Variants in TRMU observed in about 807,000 individuals in gnomAD.
The protein encoded by TRMU is tRNA mitochondrial 2-thiouridylase, also known as mitochondrial tRNA-specific 2-thiouridylase 1.
A neutral mutation model predicts 46.9 loss-of-function variants in TRMU; 49 were observed. The observed-to-expected ratio is 1.05, with a 90% confidence interval of 0.83 to 1.33. The LOEUF (loss-of-function observed/expected upper bound fraction) is 1.33. Among genes scored for constraint, TRMU ranks in the 40% most tolerant of loss-of-function variants. The pLI, the probability that TRMU is intolerant of heterozygous loss-of-function variation, is 0.00. For synonymous variants in TRMU, 241 were observed against 200.9 expected (o/e 1.20, Z -1.69); for missense variants, 572 against 532.4 (o/e 1.07, Z -0.73).
In TRMU at chr22:46,350,536, CTGTG is replaced by C; in HGVS notation, c.651+74_651+77del. The C allele has an allele frequency of 6.4e-7, 1 of 1,570,136 alleles. No individual in the cohort carries two copies. The highest frequency in any genetic ancestry group is 8.7e-7 in the Non-Finnish European group (1 of 1,143,820). The stretch of plus-strand genomic sequence containing the variant: ...ACTGCATGGCACGGAGCAGCTGGAC[CTGTG>C]GGTCCCGCACCACTTCCCCTTCTCC... On this transcript the variant is annotated intron_variant, in intron 5 of 10. Transcript: ENST00000645190. The surrounding 1 kb of genome is among the most constrained non-coding windows in gnomAD (Gnocchi z 4.6).
chr22:46,355,435 A>G lies in TRMU; in HGVS notation c.874-9A>G, dbSNP rs755021903. 1.2e-6 allele frequency: 2 copies of G among 1,612,606 alleles called. No homozygotes were observed. The highest frequency in any genetic ancestry group is 3.3e-5 in the Admixed American group (2 of 59,996). On this transcript the variant is annotated splice_polypyrimidine_tract_variant and intron_variant, in intron 8 of 10. Transcript: ENST00000645190. Reference sequence around the variant, plus strand: ...CTCGGCGTCCCCACCTTCACATTCCATTCTGCAGGCCCCCCGGACAGACCA... The same window carrying G: ...CTCGGCGTCCCCACCTTCACATTCCGTTCTGCAGGCCCCCCGGACAGACCA...
intron 7 of TRMU, chr22:46,352,566 CCTCTG>C (rs1375310338): frequency 1.7e-6 from 1 of 603,838 alleles, no homozygotes; most frequent in East Asian, 2.8e-5. Flanking sequence ...GAAAAGCGCG[CCTCTG>C]ACTTGGAAGG....
At chr22:46,355,752 G>C in intron 9 of TRMU, 164 bp downstream of exon 9, 1 of 1,288,878 alleles carries the variant, frequency 7.8e-7, no homozygotes, top group South Asian at 1.3e-5. Flanking sequence ...TGCCTGCCCT[G>C]AGCGAGGCCT....
chr22:46,340,930 A>G (rs1008301511), intron 2 of TRMU, among the ~76,000 whole-genome samples: 8 of 152,244 alleles, frequency 5.3e-5, no homozygotes, highest in African/African-American at 1.9e-4. Flanking sequence ...GCCCTCGCCC[A>G]GTACCAGCTG....
rs1251724815 is a variant in TRMU, at chr22:46,349,096, C to G, written c.479-1195C>G. Among the ~76,000 whole-genome samples the G allele has an allele frequency of 6.6e-6, 1 of 151,850 alleles. No homozygotes were observed. Among genetic ancestry groups the G allele is most frequent in the African/African-American group, 2.4e-5 (1 of 41,322 alleles). On this transcript the variant is annotated intron_variant, in intron 4 of 10. Transcript: ENST00000645190. This position sits in a 1 kb window ranked among gnomAD's most constrained non-coding sequence, Gnocchi z 4.6. Reference sequence around the variant, plus strand: ...GGAGATTGCCGTGAGCCGAGATGTGCCACTGCACTCCAGCCTGGGCGACAG... The same window carrying G: ...GGAGATTGCCGTGAGCCGAGATGTGGCACTGCACTCCAGCCTGGGCGACAG...
rs931034039 is a variant in TRMU, at chr22:46,336,048, A to G, written c.82+202A>G. 83 of 1,406,650 alleles carry G rather than the reference A, an allele frequency of 5.9e-5. No homozygotes were observed. Among genetic ancestry groups the G allele is most frequent in the Non-Finnish European group, 7.5e-5 (81 of 1,084,266 alleles). The allele number at this position is 1,406,650 out of a possible 1,614,324, so 87.1% of individuals were successfully genotyped here. ...TGTAGTCGGAGGTGTGCGCGACTGCAGCTCCGACTACCTGGGAGCAGTTCC... is the reference window on the plus strand; with the variant it reads ...TGTAGTCGGAGGTGTGCGCGACTGCGGCTCCGACTACCTGGGAGCAGTTCC... On this transcript the variant is annotated intron_variant, in intron 1 of 10. Transcript: ENST00000645190. This position sits in a 1 kb window ranked among gnomAD's most constrained non-coding sequence, Gnocchi z 4.1.
rs758120816 is a variant in TRMU, at chr22:46,349,390, C to T, written c.479-901C>T. Among the ~76,000 whole-genome samples the T allele has an allele frequency of 2.0e-5, 3 of 151,702 alleles. No homozygotes were observed. The highest frequency in any genetic ancestry group is 1.9e-4 in the East Asian group (1 of 5,180). ...GGAGAATTCTCCCTCTCACGGCTAA[C>T]GTGGGAATCGGCAGATGGAAAACAC... is the stretch of plus-strand genomic sequence containing the variant. On this transcript the variant is annotated intron_variant, in intron 4 of 10. Coordinates refer to ENST00000645190, the MANE Select transcript of TRMU (RefSeq NM_018006.5). This position sits in a 1 kb window ranked among gnomAD's most constrained non-coding sequence, Gnocchi z 4.6.
chr22:46,355,200 C>T, intron 8 of TRMU: 1 of 613,392 alleles, frequency 1.6e-6, no homozygotes, highest in East Asian at 2.8e-5. Flanking sequence ...CTCACCCCTG[C>T]CTCTTGCCCA....
chr22:46,356,500 G>T, intron 10 of TRMU: 2 of 431,840 alleles, frequency 4.6e-6, no homozygotes, highest in South Asian at 5.4e-5. Context: ...GGTGAGGGAA[G>T]CGGAAGCATC....
intron 5 of TRMU, 114 bp from the exon 6 acceptor site, chr22:46,352,007 G>GAAGCA (rs2078442117): frequency 8.1e-7 from 1 of 1,230,706 alleles, no homozygotes; most frequent in South Asian, 1.2e-5. Flanking sequence ...CCCTACCCTG[G>GAAGCA]AAGCAAAGTG....
At position 46,353,777 on chromosome 22, in the gene TRMU, G is replaced by A. The variant is rs1569084840; in HGVS notation, c.783G>A (p.Leu261=). ...KVLGTHKGWF[L]YTLGQRANIG... is the part of the protein sequence containing the mutation. ...ACTGTCTTTCTGTAGGTTGGTTCCT[G>A]TATACCTTGGGCCAGAGAGCAAACA... Residue 261 remains leucine, a synonymous_variant, in exon 8 of 11, where the codon CTG becomes CTA. Coordinates refer to ENST00000645190, the MANE Select transcript of TRMU (RefSeq NM_018006.5). 5 of 1,613,824 alleles carry A rather than the reference G, an allele frequency of 3.1e-6. No individual in the cohort carries two copies. The highest frequency in any genetic ancestry group is 2.2e-5 in the East Asian group (1 of 44,880).
chr22:46,353,563 A>T, intron 7 of TRMU: 2 of 519,176 alleles, frequency 3.9e-6, no homozygotes, highest in Non-Finnish European at 7.3e-6. Flanking sequence ...CCCCATGTCC[A>T]GCCCAGGCCT....
At chr22:46,343,480 G>C (rs1466824140) in intron 3 of TRMU, 112 bp downstream of exon 3, 10 of 796,160 alleles carry the variant, frequency 1.3e-5, no homozygotes, top group Non-Finnish European at 2.1e-5. Flanking sequence ...CGACCTCCTG[G>C]GCTCAAGAGA....
rs764306783 is a variant in TRMU, at chr22:46,346,422, G to A, written c.356G>A (p.Gly119Glu). Residue 119 changes from glycine to glutamate, a missense_variant and splice_region_variant, in exon 4 of 11, where the codon GGG becomes GAG. Coordinates refer to ENST00000645190, the MANE Select transcript of TRMU (RefSeq NM_018006.5). Reference sequence around the variant, plus strand: ...TCCTTGTGTTCTAAAAACCTCACAGGGGCAGATGCCATTGCCACAGGTCAC... The same window carrying A: ...TCCTTGTGTTCTAAAAACCTCACAGAGGCAGATGCCATTGCCACAGGTCAC... ...CFFHYAVDNL[G>E]ADAIATGHYA... is the part of the protein sequence containing the mutation. 2 of 1,612,484 alleles carry A rather than the reference G, an allele frequency of 1.2e-6. No homozygotes were observed. The highest frequency in any genetic ancestry group is 1.7e-6 in the Non-Finnish European group (2 of 1,178,964).
rs1240255282 is a variant in TRMU at position 46,342,254 on chromosome 22, G to C, written c.249-1008G>C. Among the ~76,000 whole-genome samples, 1 of 152,192 alleles carries C rather than the reference G, an allele frequency of 6.6e-6. No homozygotes were observed. The highest frequency in any genetic ancestry group is 2.4e-5 in the African/African-American group (1 of 41,436). On this transcript the variant is annotated intron_variant, in intron 2 of 10. Transcript: ENST00000645190. This position sits in a 1 kb window ranked among gnomAD's most constrained non-coding sequence, Gnocchi z 4.7. ...CTTTGGGTTCAATTATTAATAATTT[G>C]CTGGAGTGGTTCACAGAACTCAGAA...
At position 46,352,297 on chromosome 22, in the gene TRMU, A is replaced by G. The variant is rs1162356372; in HGVS notation, c.739A>G (p.Ile247Val). ...GCCTCGACCTGGTCACTTTATTTCC[A>G]TAGAAGACAATAAGGTTCTGGGAAC... ...LQPRPGHFISIEDNKVLGTHK... is the reference protein window; with the variant it reads ...LQPRPGHFISVEDNKVLGTHK... Residue 247 changes from isoleucine (I) to valine (V), a missense_variant, in exon 7 of 11, where the codon ATA becomes GTA. By Grantham distance (29) the Ile-to-Val change is conservative. Transcript: ENST00000645190. 8 of 1,613,878 alleles carry G rather than the reference A, an allele frequency of 5.0e-6. No individual in the cohort carries two copies. Among genetic ancestry groups the G allele is most frequent in the Non-Finnish European group, 5.9e-6 (7 of 1,180,028 alleles).
chr22:46,335,963 G>C, intron 1 of TRMU, 117 bp downstream of exon 1: 1 of 1,482,824 alleles, frequency 6.7e-7, no homozygotes, highest in Non-Finnish European at 8.9e-7. Flanking sequence ...TTGCGCGCGG[G>C]TCGGCAGGAG....
In TRMU at chr22:46,343,378, T is replaced by C; in HGVS notation, c.355+10T>C. The C allele has an allele frequency of 1.2e-6, 2 of 1,607,864 alleles. No homozygotes were observed. The highest frequency in any genetic ancestry group is 1.7e-6 in the Non-Finnish European group (2 of 1,174,574). On this transcript the variant is annotated intron_variant, in intron 3 of 10. Coordinates refer to ENST00000645190, the MANE Select transcript of TRMU (RefSeq NM_018006.5). ...GCTGTGGATAATCTTGGTAAGTAATTTGGGTTTAAAACATTTTTTTTTTTA... is the reference window on the plus strand; with the variant it reads ...GCTGTGGATAATCTTGGTAAGTAATCTGGGTTTAAAACATTTTTTTTTTTA...
Position 46,338,113 on chromosome 22 carries a change from G to A in TRMU, c.248+169G>A. On this transcript the variant is annotated intron_variant, in intron 2 of 10. Transcript: ENST00000645190. This position sits in a 1 kb window ranked among gnomAD's most constrained non-coding sequence, Gnocchi z 4.5. ...CAGCCACCCTCGGGGCTCTGTGTTA[G>A]AGGCGAGGCCTGGACCCCACAGCAC... 1 of 881,882 alleles carries A rather than the reference G, an allele frequency of 1.1e-6. No homozygotes were observed. The highest frequency in any genetic ancestry group is 1.4e-5 in the South Asian group (1 of 70,130). 54.6% of individuals were successfully genotyped at this position (881,882 alleles called of 1,614,324 possible). A position where few individuals can be genotyped will look rare whatever the true frequency, so the allele number is the denominator to read the frequency against.
Sources: gnomAD v4.1 joint callset for allele counts (sites outside exome capture counted in the v4.1 genomes callset) on GRCh38, gnomAD v4.1.1 for gene constraint, Gnocchi (gnomAD v3.1) non-coding constraint, MANE v1.5 for transcripts, NCBI Gene and HGNC (gene_info 2026-07-23, HGNC 2026-07-21) for gene names.